TMEM132C: variants seen among roughly 807,000 people sequenced by gnomAD.
The protein encoded by TMEM132C is protein phosphatase 1, regulatory subunit 152.
Under a neutral mutation model 61.4 loss-of-function variants are expected in TMEM132C, and 29 were observed. The observed-to-expected ratio is 0.47, with a 90% CI of 0.35 to 0.64. TMEM132C has a LOEUF of 0.64. Ranked by LOEUF, TMEM132C falls within the 30% of genes least tolerant of loss-of-function variation. The pLI is 0.00. For missense variants in TMEM132C, 1,408 were observed against 1,476.9 expected, an observed-to-expected ratio of 0.95 and a Z score of 0.76; for synonymous variants, 656 against 633.1, an observed-to-expected ratio of 1.04 and a Z score of -0.54.
intron 1 of TMEM132C, among the ~76,000 whole-genome samples, chr12:128,330,956 G>A (rs1017573050): frequency 1.8e-4 from 27 of 152,022 alleles, no homozygotes; most frequent in Admixed American, 6.6e-4. Context: ...ACTAACATCC[G>A]CCACAAAATG....
intron 4 of TMEM132C, among the ~76,000 whole-genome samples, chr12:128,649,777 C>T (rs974200039): frequency 1.4e-4 from 21 of 152,318 alleles, no homozygotes; most frequent in African/African-American, 5.1e-4. Context: ...TGTTTAATAA[C>T]TCATTTATAG....
At chr12:128,546,165 G>A (rs763640809) in intron 3 of TMEM132C, among the ~76,000 whole-genome samples, 91 of 152,192 alleles carry the variant, frequency 6.0e-4, no homozygotes, top group Non-Finnish European at 9.1e-4. Flanking sequence ...TGGCGGAGGT[G>A]AGGTCAGGGA....
intron 3 of TMEM132C, among the ~76,000 whole-genome samples, chr12:128,605,113 T>TGATAGATAGATAGATA (rs3044839): frequency 2.3e-4 from 34 of 151,040 alleles, no homozygotes; most frequent in African/African-American, 7.3e-4. Context: ...GACAGATAAA[T>TGATAGATAGATAGATA]GATAGATAGA....
rs116473181 is a variant in TMEM132C at position 128,474,584 on chromosome 12, C to G, written c.974+58964C>G. 2.3e-3 allele frequency among the ~76,000 whole-genome samples: 343 copies of G among 152,266 alleles called. 1 individual carries two copies. Among genetic ancestry groups the G allele is most frequent in the African/African-American group, 7.8e-3 (323 of 41,548 alleles). Reference sequence around the variant, plus strand: ...CACATTTCCATAAGTAAGATTGCAGCAACAACAGAGGTAATGTTTTGATAT... The same window carrying G: ...CACATTTCCATAAGTAAGATTGCAGGAACAACAGAGGTAATGTTTTGATAT... On this transcript the variant is annotated intron_variant, in intron 2 of 8. Coordinates refer to ENST00000435159, the MANE Select transcript of TMEM132C (RefSeq NM_001136103.3).
chr12:128,636,559 T>TG (rs1391715070), intron 4 of TMEM132C, among the ~76,000 whole-genome samples: 7 of 106,732 alleles, frequency 6.6e-5, no homozygotes, highest in African/African-American at 2.8e-4. Flanking sequence ...TTTTTGGGTT[T>TG]TTGTTTGTGT....
intron 3 of TMEM132C, among the ~76,000 whole-genome samples, chr12:128,602,951 G>A (rs1336549569): frequency 1.3e-5 from 2 of 152,188 alleles, no homozygotes; most frequent in African/African-American, 4.8e-5. Context: ...TGCTTGACAA[G>A]GTGGCCCAAG....
At chr12:128,422,292 G>C (rs766904241) in intron 2 of TMEM132C, among the ~76,000 whole-genome samples, 4 of 150,648 alleles carry the variant, frequency 2.7e-5, no homozygotes, top group Admixed American at 6.6e-5. Context: ...GTGTTAGTTT[G>C]ACTCAAGTTG....
At chr12:128,677,982 G>A (rs995340883) in intron 5 of TMEM132C, among the ~76,000 whole-genome samples, 6 of 152,164 alleles carry the variant, frequency 3.9e-5, no homozygotes, top group Non-Finnish European at 8.8e-5. Context: ...TTGGGCTCCC[G>A]TCAGCACTAA....
chr12:128,611,029 C>T (rs796188203), intron 3 of TMEM132C, among the ~76,000 whole-genome samples: 1 of 152,306 alleles, frequency 6.6e-6, no homozygotes, highest in South Asian at 2.1e-4. Context: ...GAAACAGCTT[C>T]CATTTATTGA....
In TMEM132C at chr12:128,415,297, C is replaced by T. The variant is rs763459769; in HGVS notation, c.651C>T (p.Ser217=). 2 of 1,596,414 alleles carry T rather than the reference C, an allele frequency of 1.3e-6. No homozygotes were observed. Among genetic ancestry groups the T allele is most frequent in the Non-Finnish European group, 1.7e-6 (2 of 1,171,166 alleles). Residue 217 remains serine, a synonymous_variant, in exon 2 of 9, where the codon TCC becomes TCT. Coordinates refer to ENST00000435159, the MANE Select transcript of TMEM132C (RefSeq NM_001136103.3). The surrounding 1 kb of genome is among the most constrained non-coding windows in gnomAD (Gnocchi z 5.8). The part of the protein sequence containing the change: ...APTVGAGRKK[S]MDQPEGTPVE... ...CGGTGGGTGCCGGGAGGAAGAAGTC[C>T]ATGGACCAGCCGGAGGGGACCCCTG...
intron 5 of TMEM132C, among the ~76,000 whole-genome samples, chr12:128,687,814 G>A (rs1250266043): frequency 1.3e-5 from 2 of 152,232 alleles, no homozygotes; most frequent in East Asian, 3.8e-4. Context: ...TGGGCTGCAA[G>A]GACTCTGTTT....
chr12:128,678,936 A>G (rs775719341), intron 5 of TMEM132C, among the ~76,000 whole-genome samples: 5 of 152,198 alleles, frequency 3.3e-5, no homozygotes, highest in Admixed American at 6.5e-5. Context: ...AGAAAAGGCC[A>G]CTGCCTTTGG....
intron 4 of TMEM132C, among the ~76,000 whole-genome samples, chr12:128,628,487 A>G (rs1194398346): frequency 6.6e-6 from 1 of 152,162 alleles, no homozygotes; most frequent in Non-Finnish European, 1.5e-5. Context: ...ACCTGATTTA[A>G]AATAACAGCC....
At chr12:128,669,600 A>G in intron 5 of TMEM132C, 40 bp downstream of exon 5, 1 of 1,545,184 alleles carries the variant, frequency 6.5e-7, no homozygotes, top group Non-Finnish European at 8.7e-7. Flanking sequence ...ACCGGTGGGA[A>G]CTTCACTTGG....
chr12:128,686,835 A>T (rs572341737), intron 5 of TMEM132C, among the ~76,000 whole-genome samples: 6 of 152,310 alleles, frequency 3.9e-5, no homozygotes, highest in African/African-American at 1.4e-4. Flanking sequence ...GCATCAGGTG[A>T]CAGTAAGCAA....
At chr12:128,353,989 G>T (rs1232839835) in intron 1 of TMEM132C, among the ~76,000 whole-genome samples, 1 of 152,174 alleles carries the variant, frequency 6.6e-6, no homozygotes, top group Non-Finnish European at 1.5e-5. Context: ...TTTAAAAGCT[G>T]GATGCTGTAA....
At chr12:128,390,852 A>G (rs1260556781) in intron 1 of TMEM132C, among the ~76,000 whole-genome samples, 1 of 152,218 alleles carries the variant, frequency 6.6e-6, no homozygotes, top group African/African-American at 2.4e-5. Flanking sequence ...AGTGGTGGCC[A>G]TGGAGAGAAG....
At chr12:128,442,979 A>G (rs1869849815) in intron 2 of TMEM132C, among the ~76,000 whole-genome samples, 1 of 152,162 alleles carries the variant, frequency 6.6e-6, no homozygotes, top group Non-Finnish European at 1.5e-5. Context: ...CTTGCGTATG[A>G]TTAGGTCATT....
intron 4 of TMEM132C, among the ~76,000 whole-genome samples, chr12:128,628,091 C>G (rs1478581272): frequency 6.6e-6 from 1 of 152,146 alleles, no homozygotes; most frequent in Non-Finnish European, 1.5e-5. Context: ...TCAAATGCAG[C>G]AGTCTCCCCC....
Sources: allele counts gnomAD v4.1 joint callset (sites outside exome capture counted in the v4.1 genomes callset), GRCh38; gene constraint gnomAD v4.1.1; non-coding constraint Gnocchi (gnomAD v3.1); transcripts MANE v1.5; gene names NCBI Gene and HGNC (gene_info 2026-07-23, HGNC 2026-07-21).